MDFIC: variants seen among roughly 807,000 people sequenced by gnomAD.
MDFIC encodes the protein MyoD family inhibitor domain containing.
In MDFIC, 17 loss-of-function variants were observed where a neutral mutation model predicts 23.2. That is an observed-to-expected ratio of 0.73 (90% CI 0.50 to 1.10). The LOEUF (loss-of-function observed/expected upper bound fraction) is 1.10. Among genes scored for constraint, MDFIC ranks in the 50% least tolerant of loss-of-function variants. MDFIC has a pLI of 0.00. For missense variants in MDFIC, 356 were observed against 316.6 expected (o/e 1.12, Z -0.95); for synonymous variants, 120 against 115.2 (o/e 1.04, Z -0.27).
chr7:114,938,955 A>G (rs1792487264), intron 2 of MDFIC, among the ~76,000 whole-genome samples: 1 of 152,154 alleles, frequency 6.6e-6, no homozygotes, highest in African/African-American at 2.4e-5. Context: ...TGTTATTGTA[A>G]TGAGTAGTGG....
At chr7:114,936,995 T>C (rs572618038) in intron 2 of MDFIC, among the ~76,000 whole-genome samples, 2 of 152,244 alleles carry the variant, frequency 1.3e-5, no homozygotes, top group Admixed American at 1.3e-4. Flanking sequence ...TGTTATTATC[T>C]AATTTATTAT....
At chr7:114,942,234 A>G (rs1307343010) in intron 2 of MDFIC, 41 bp from the exon 3 acceptor site, 2 of 1,241,806 alleles carry the variant, frequency 1.6e-6, no homozygotes, top group Non-Finnish European at 2.2e-6. Context: ...AGAGAAAAAT[A>G]TATAAAATCA....
intron 3 of MDFIC, among the ~76,000 whole-genome samples, chr7:114,971,989 T>C (rs1479091546): frequency 6.6e-6 from 1 of 151,996 alleles, no homozygotes; most frequent in African/African-American, 2.4e-5. Context: ...AAATAGTAAT[T>C]CAGGAATAAA....
intron 3 of MDFIC, among the ~76,000 whole-genome samples, chr7:114,961,782 A>C (rs983524155): frequency 6.6e-6 from 1 of 152,088 alleles, no homozygotes; most frequent in African/African-American, 2.4e-5. Flanking sequence ...GAGAATAGCA[A>C]GGGGGAAATT....
intron 3 of MDFIC, among the ~76,000 whole-genome samples, chr7:114,945,458 T>C (rs1265355611): frequency 6.6e-6 from 1 of 152,218 alleles, no homozygotes; most frequent in African/African-American, 2.4e-5. Context: ...CAGAAGTTTG[T>C]ACTTAGTCTG....
chr7:115,009,034 AT>A (rs758837579), intron 4 of MDFIC, among the ~76,000 whole-genome samples: 4 of 152,180 alleles, frequency 2.6e-5, no homozygotes, highest in Admixed American at 1.3e-4. Context: ...AATTTCCTAA[AT>A]TACTAAATAC....
At chr7:114,927,410 T>G (rs1182944317) in intron 2 of MDFIC, among the ~76,000 whole-genome samples, 2 of 151,528 alleles carry the variant, frequency 1.3e-5, no homozygotes, top group Non-Finnish European at 2.9e-5. Context: ...TTGTTATCAC[T>G]CCATGTAAAC....
chr7:114,995,070 T>C (rs899501699), intron 4 of MDFIC, among the ~76,000 whole-genome samples: 7 of 152,222 alleles, frequency 4.6e-5, no homozygotes, highest in African/African-American at 1.7e-4. Context: ...TTCTCTAAAC[T>C]TCTCTTCTCA....
At chr7:115,008,341 A>G (rs1431579355) in intron 4 of MDFIC, among the ~76,000 whole-genome samples, 1 of 151,910 alleles carries the variant, frequency 6.6e-6, no homozygotes, top group African/African-American at 2.4e-5. Flanking sequence ...GTTGAGAGGA[A>G]AGATAATAGT....
At chr7:114,992,698 C>T (rs1227482768) in intron 4 of MDFIC, among the ~76,000 whole-genome samples, 5 of 152,270 alleles carry the variant, frequency 3.3e-5, no homozygotes, top group Admixed American at 6.5e-5. Context: ...AGGGATGAAG[C>T]CCACTTGATC....
At chr7:114,957,670 A>G (rs533106209) in intron 3 of MDFIC, among the ~76,000 whole-genome samples, 18 of 152,206 alleles carry the variant, frequency 1.2e-4, no homozygotes, top group Non-Finnish European at 2.2e-4. Context: ...AGAACAGTGT[A>G]TTTCAAAACT....
intron 3 of MDFIC, among the ~76,000 whole-genome samples, chr7:114,969,864 AC>A (rs1793175006): frequency 6.6e-6 from 1 of 152,178 alleles, no homozygotes; most frequent in Non-Finnish European, 1.5e-5. Context: ...TATTCCACAG[AC>A]CTCTAGGTGA....
In MDFIC at chr7:115,019,767, T is replaced by C. The variant is rs191480588; in HGVS notation, c.*3832T>C. On this transcript the variant is annotated 3_prime_UTR_variant, in exon 5 of 5. Transcript: ENST00000393486. ...TTTTGCACTAATACAACAGAACATA[T>C]CATTTTTGTTTTAAACAATGGTTAA... Among the ~76,000 whole-genome samples the C allele has an allele frequency of 4.2e-4, 64 of 152,256 alleles. 2 individuals carry two copies. Among genetic ancestry groups the C allele is most frequent in the Admixed American group, 3.7e-3 (56 of 15,276 alleles).
chr7:114,960,101 T>G (rs1792957900), intron 3 of MDFIC, among the ~76,000 whole-genome samples: 1 of 152,182 alleles, frequency 6.6e-6, no homozygotes, highest in Non-Finnish European at 1.5e-5. Flanking sequence ...ACTTTGTCTT[T>G]TAGCTTAAAC....
At chr7:114,996,468 A>G (rs746301035) in intron 4 of MDFIC, among the ~76,000 whole-genome samples, 1 of 152,148 alleles carries the variant, frequency 6.6e-6, no homozygotes, top group Non-Finnish European at 1.5e-5. Context: ...TGGTTCATGG[A>G]GGAAGGTCAT....
chr7:114,985,783 A>T (rs1793500911), intron 4 of MDFIC, among the ~76,000 whole-genome samples: 1 of 151,856 alleles, frequency 6.6e-6, no homozygotes, highest in South Asian at 2.1e-4. Flanking sequence ...ATGAGTAGGA[A>T]TGAACCAGTC....
At position 115,017,531 on chromosome 7, in the gene MDFIC, C is replaced by T. The variant is rs377701758; in HGVS notation, c.*1596C>T. 1.3e-5 allele frequency: 2 copies of T among 152,088 alleles called. No individual in the cohort carries two copies. The highest frequency in any genetic ancestry group is 2.1e-4 in the South Asian group (1 of 4,814). 9.4% of individuals were successfully genotyped at this position (152,088 alleles called of 1,614,324 possible). On this transcript the variant is annotated 3_prime_UTR_variant, in exon 5 of 5. Transcript: ENST00000393486. ...TTCAATGCAGAAGAAATCTAGATAT[C>T]CCCTACTGTGACCAAATTTCTGTAT... is the stretch of plus-strand genomic sequence containing the variant.
At position 114,957,892 on chromosome 7, in the gene MDFIC, A is replaced by G. The variant is rs138028770; in HGVS notation, c.217+15495A>G. On this transcript the variant is annotated intron_variant, in intron 3 of 4. Coordinates refer to ENST00000393486, the MANE Select transcript of MDFIC (RefSeq NM_001166345.3). ...AACTTTTGGCACCATTATGGTCAAT[A>G]AGCCAATAATAATTATTTGCTTGTG... Among the ~76,000 whole-genome samples the G allele has an allele frequency of 3.2e-3, 495 of 152,328 alleles. 1 individual carries two copies. Among genetic ancestry groups the G allele is most frequent in the African/African-American group, 0.011 (473 of 41,580 alleles).
chr7:114,922,986 C>G lies in MDFIC; in HGVS notation c.-48C>G. 3 of 1,535,950 alleles carry G rather than the reference C, an allele frequency of 2.0e-6. No individual in the cohort carries two copies. The highest frequency in any genetic ancestry group is 2.6e-6 in the Non-Finnish European group (3 of 1,142,734). On this transcript the variant is annotated 5_prime_UTR_variant, in exon 2 of 5. Coordinates refer to ENST00000393486, the MANE Select transcript of MDFIC (RefSeq NM_001166345.3). Reference sequence around the variant, plus strand: ...CCCTTCCTCCGTGCGCCCTGCCGGGCGGCGAGCTAGGCGGCAGCGGCGCGG... The same window carrying G: ...CCCTTCCTCCGTGCGCCCTGCCGGGGGGCGAGCTAGGCGGCAGCGGCGCGG...
Sources: allele counts gnomAD v4.1 joint callset (sites outside exome capture counted in the v4.1 genomes callset), GRCh38; gene constraint gnomAD v4.1.1; transcripts MANE v1.5; gene names NCBI Gene and HGNC (gene_info 2026-07-23, HGNC 2026-07-21).